RBX1: variants seen among roughly 807,000 people sequenced by gnomAD.
RBX1 encodes ring-box 1.
For missense variants in RBX1, 46 were observed against 141.4 expected, an observed-to-expected ratio of 0.33 and a Z score of 3.42; for synonymous variants, 48 against 47.9, an observed-to-expected ratio of 1.00 and a Z score of -0.01.
intron 2 of RBX1, among the ~76,000 whole-genome samples, chr22:40,962,647 C>A (rs1409149749): frequency 6.6e-6 from 1 of 151,002 alleles, no homozygotes; most frequent in Admixed American, 6.6e-5. Context: ...AGGCGCCCAC[C>A]ACCACACACA....
chr22:40,963,372 A>G (rs997548378), intron 2 of RBX1, among the ~76,000 whole-genome samples: 1 of 151,930 alleles, frequency 6.6e-6, no homozygotes, highest in Non-Finnish European at 1.5e-5. Flanking sequence ...GCGGTGGCTC[A>G]TGCCTGTAAT....
intron 4 of RBX1, among the ~76,000 whole-genome samples, chr22:40,970,165 G>C (rs1375185481): frequency 1.3e-5 from 2 of 151,292 alleles, no homozygotes; most frequent in African/African-American, 4.9e-5. Context: ...AGACCAGCCT[G>C]GCCAACATGG....
At chr22:40,955,824 C>G (rs947742503) in intron 2 of RBX1, among the ~76,000 whole-genome samples, 1 of 152,154 alleles carries the variant, frequency 6.6e-6, no homozygotes, top group African/African-American at 2.4e-5. Flanking sequence ...CTGTTTATCT[C>G]TTCACACTAC....
intron 2 of RBX1, 113 bp downstream of exon 2, chr22:40,953,746 ACTCGGT>A: frequency 1.4e-6 from 1 of 726,572 alleles, no homozygotes; most frequent in South Asian, 1.4e-5. Flanking sequence ...TACTCTGAGC[ACTCGGT>A]CTTCTGTATC....
At chr22:40,954,303 T>C (rs1225859716) in intron 2 of RBX1, among the ~76,000 whole-genome samples, 1 of 151,110 alleles carries the variant, frequency 6.6e-6, no homozygotes, top group Admixed American at 6.6e-5. Context: ...GATCTAATTT[T>C]TGCTGGTCAT....
In RBX1 at chr22:40,951,586, C is replaced by T. The variant is rs568369315; in HGVS notation, c.78+110C>T. 1.7e-5 allele frequency: 18 copies of T among 1,034,926 alleles called. No homozygotes were observed. The African/African-American group carries it at 1.8e-4, about 10-fold the overall frequency. The allele number at this position is 1,034,926 out of a possible 1,614,324, so 64.1% of individuals were successfully genotyped here. On this transcript the variant is annotated intron_variant, in intron 1 of 4. Transcript: ENST00000216225. ...TAAAGGGTTTCATTTCAGGGCGTTC[C>T]TGGGACCGGGTACCACGAAAGGAAG...
At chr22:40,954,493 C>T (rs900145464) in intron 2 of RBX1, among the ~76,000 whole-genome samples, 1 of 152,108 alleles carries the variant, frequency 6.6e-6, no homozygotes, top group African/African-American at 2.4e-5. Flanking sequence ...TGATTATAGT[C>T]TTTGATGAAC....
At chr22:40,971,784 T>G (rs2058369681) in intron 4 of RBX1, among the ~76,000 whole-genome samples, 1 of 152,144 alleles carries the variant, frequency 6.6e-6, no homozygotes, top group African/African-American at 2.4e-5. Context: ...TTTGAACTCC[T>G]GACCTCAGGT....
At chr22:40,961,683 C>T (rs1048722009) in intron 2 of RBX1, among the ~76,000 whole-genome samples, 1 of 152,176 alleles carries the variant, frequency 6.6e-6, no homozygotes, top group African/African-American at 2.4e-5. Context: ...GGATTATAGG[C>T]GTGAGCCACC....
At position 40,956,690 on chromosome 22, in the gene RBX1, G is replaced by A. The variant is rs571029392; in HGVS notation, c.157+3057G>A. On this transcript the variant is annotated intron_variant, in intron 2 of 4. Coordinates refer to ENST00000216225, the MANE Select transcript of RBX1 (RefSeq NM_014248.4). ...ACCCCCCTTGGCCTCCCAAAGTGCC[G>A]GGATTATAGGTGTGAGCCACCATGT... Among the ~76,000 whole-genome samples the A allele has an allele frequency of 2.8e-4, 42 of 150,286 alleles. No homozygotes were observed. The South Asian group carries it at 8.4e-3, about 30-fold the overall frequency.
chr22:40,967,240 A>G (rs1478950423), intron 3 of RBX1: 5 of 152,324 alleles, frequency 3.3e-5, no homozygotes, highest in Non-Finnish European at 7.3e-5. Context: ...TAAATCTAGA[A>G]ATAAAGTTTC....
intron 2 of RBX1, among the ~76,000 whole-genome samples, chr22:40,961,288 T>C (rs1012840690): frequency 4.0e-5 from 6 of 151,870 alleles, no homozygotes; most frequent in African/African-American, 1.4e-4. Context: ...TGTTGCTGTG[T>C]TGCCCAGCCT....
At chr22:40,960,645 T>C (rs2058337345) in intron 2 of RBX1, among the ~76,000 whole-genome samples, 1 of 152,186 alleles carries the variant, frequency 6.6e-6, no homozygotes, top group Non-Finnish European at 1.5e-5. Context: ...TTCCTCTAAG[T>C]TAGAGGATCC....
intron 2 of RBX1, among the ~76,000 whole-genome samples, chr22:40,961,007 G>T (rs970007781): frequency 2.0e-5 from 3 of 151,274 alleles, no homozygotes; most frequent in Non-Finnish European, 4.4e-5. Flanking sequence ...CAGATGATCT[G>T]CCTGCCTCGA....
intron 1 of RBX1, 63 bp downstream of exon 1, chr22:40,951,539 C>A: frequency 6.8e-7 from 1 of 1,465,524 alleles, no homozygotes; most frequent in Non-Finnish European, 9.4e-7. Context: ...CTGGCAGGCC[C>A]GAGGATGGTC....
intron 3 of RBX1, chr22:40,967,533 AG>A (rs2146303217): frequency 3.6e-6 from 1 of 279,566 alleles, no homozygotes; most frequent in East Asian, 6.8e-5. Context: ...TCTCTTAAAT[AG>A]AAGAGAGCTC....
At chr22:40,958,444 A>G (rs186317440) in intron 2 of RBX1, among the ~76,000 whole-genome samples, 6 of 152,352 alleles carry the variant, frequency 3.9e-5, no homozygotes, top group Middle Eastern at 6.8e-3. Flanking sequence ...ATTTTAATAA[A>G]TCTTGTCTGA....
In RBX1 at chr22:40,965,076, G is replaced by A. The variant is rs143823820; in HGVS notation, c.228+959G>A. Among the ~76,000 whole-genome samples, 1,291 of 152,240 alleles carry A rather than the reference G, an allele frequency of 8.5e-3. 19 individuals carry two copies. Among genetic ancestry groups the A allele is most frequent in the African/African-American group, 0.03 (1,249 of 41,550 alleles). The stretch of plus-strand genomic sequence containing the variant: ...TCCCAGCACTCTGGGAGGCCGAGGC[G>A]GGTGCATCATGAGGTCAGCAGATGG... On this transcript the variant is annotated intron_variant, in intron 3 of 4. Coordinates refer to ENST00000216225, the MANE Select transcript of RBX1 (RefSeq NM_014248.4).
intron 2 of RBX1, among the ~76,000 whole-genome samples, chr22:40,963,700 A>G (rs9611443): frequency 0.033 from 5,042 of 152,086 alleles, 119 homozygotes; most frequent in Non-Finnish European, 0.055. Flanking sequence ...AATACAAACA[A>G]TTAGCTGGTG....
Sources: allele counts gnomAD v4.1 joint callset (sites outside exome capture counted in the v4.1 genomes callset), GRCh38; gene constraint gnomAD v4.1.1; transcripts MANE v1.5; gene names NCBI Gene and HGNC (gene_info 2026-07-23, HGNC 2026-07-21).